The following C8orf34 variants were observed in gnomAD, a reference collection of about 807,000 sequenced individuals.
C8orf34 encodes uncharacterized protein C8orf34.
Under a neutral mutation model 68.3 loss-of-function variants are expected in C8orf34, and 65 were observed. That is an observed-to-expected ratio of 0.95 (90% CI 0.78 to 1.17). The LOEUF (loss-of-function observed/expected upper bound fraction) is 1.17. C8orf34 is among the 50% of genes most tolerant of loss of function. C8orf34 has a pLI of 0.00. For missense variants in C8orf34, 664 were observed against 655.4 expected (o/e 1.01, Z -0.14); for synonymous variants, 244 against 241.2 (o/e 1.01, Z -0.11).
chr8:68,398,522 A>C (rs1317566566), intron 1 of C8orf34, among the ~76,000 whole-genome samples: 4 of 152,160 alleles, frequency 2.6e-5, no homozygotes, highest in Admixed American at 6.6e-5. Context: ...GTGGTAAAAA[A>C]ACACACACAA....
intron 7 of C8orf34, among the ~76,000 whole-genome samples, chr8:68,552,389 A>G: frequency 6.6e-6 from 1 of 152,132 alleles, no homozygotes; most frequent in Non-Finnish European, 1.5e-5. Flanking sequence ...TTAGTTTGTC[A>G]GAGTACAAAT....
intron 8 of C8orf34, among the ~76,000 whole-genome samples, chr8:68,650,956 CTTAT>C (rs1252792248): frequency 7.9e-5 from 12 of 152,276 alleles, no homozygotes; most frequent in Middle Eastern, 3.4e-3. Context: ...TTCCAGCTTG[CTTAT>C]CTATGTTTGC....
At chr8:68,436,450 T>G (rs903365113) in intron 1 of C8orf34, among the ~76,000 whole-genome samples, 1 of 152,218 alleles carries the variant, frequency 6.6e-6, no homozygotes, top group Non-Finnish European at 1.5e-5. Context: ...ACCTACATTT[T>G]ATCAATCCCT....
In C8orf34 at chr8:68,815,932, G is replaced by A. The variant is rs61743022; in HGVS notation, c.1596G>A (p.Thr532=). The A allele has an allele frequency of 1.8e-4, 292 of 1,613,622 alleles. No homozygotes were observed. The African/African-American group carries it at 3.5e-3, about 20-fold the overall frequency. The change falls in exon 13 of 14, where the codon ACG becomes ACA. Residue 532 remains threonine, a synonymous_variant. Transcript: ENST00000518698. Reference sequence around the variant, plus strand: ...GCGTTCCATGCTCTTCTTGTCCTACGCTGGTCTACTCTGGTATGTTTGCTC... The same window carrying A: ...GCGTTCCATGCTCTTCTTGTCCTACACTGGTCTACTCTGGTATGTTTGCTC... The part of the protein sequence containing the change: ...LLCVPCSSCP[T]LVYSGL
intron 4 of C8orf34, among the ~76,000 whole-genome samples, chr8:68,486,664 T>A (rs1813092282): frequency 6.6e-6 from 1 of 152,132 alleles, no homozygotes; most frequent in African/African-American, 2.4e-5. Flanking sequence ...ATATAAGAAC[T>A]AATGAAATAT....
chr8:68,782,470 C>G (rs1261326248), intron 11 of C8orf34, among the ~76,000 whole-genome samples: 1 of 149,522 alleles, frequency 6.7e-6, no homozygotes, highest in Non-Finnish European at 1.5e-5. Flanking sequence ...TGCAATAGGC[C>G]ATCTAGTGCC....
chr8:68,335,355 T>C lies in C8orf34; in HGVS notation c.327+4016T>C, dbSNP rs140600616. On this transcript the variant is annotated intron_variant, in intron 1 of 13. Transcript: ENST00000518698. ...GAGAAGTAATAAAATATAAGCTTGG[T>C]AGTTATAATATGTTCAACTTAAATA... is the stretch of plus-strand genomic sequence containing the variant. 4.3e-3 allele frequency among the ~76,000 whole-genome samples: 661 copies of C among 152,356 alleles called. 5 individuals carry two copies. Among genetic ancestry groups the C allele is most frequent in the African/African-American group, 0.015 (638 of 41,582 alleles).
intron 1 of C8orf34, among the ~76,000 whole-genome samples, chr8:68,366,396 A>G (rs1807255561): frequency 1.5e-5 from 2 of 131,406 alleles, no homozygotes; most frequent in East Asian, 4.6e-4. Flanking sequence ...GAAAAAAACT[A>G]CTTTAAAGTT....
chr8:68,667,702 G>A (rs1453984645), intron 8 of C8orf34, among the ~76,000 whole-genome samples: 1 of 152,084 alleles, frequency 6.6e-6, no homozygotes, highest in Non-Finnish European at 1.5e-5. Flanking sequence ...AGTTATTACT[G>A]CAAGGCATTT....
At chr8:68,415,965 A>G (rs72664940) in intron 1 of C8orf34, among the ~76,000 whole-genome samples, 2,244 of 152,292 alleles carry the variant, frequency 0.015, 59 homozygotes, top group African/African-American at 0.048. Flanking sequence ...AGATTTATTT[A>G]CCCCAATTTC....
In C8orf34 at chr8:68,629,252, G is replaced by A. The variant is rs192021820; in HGVS notation, c.1106-11124G>A. The stretch of plus-strand genomic sequence containing the variant: ...TTGTCCCTCTGAGTGTCTACCAGAC[G>A]TCCATATGTATATCTTGAAGATAGC... On this transcript the variant is annotated intron_variant, in intron 7 of 13. Coordinates refer to ENST00000518698, the MANE Select transcript of C8orf34 (RefSeq NM_052958.4). Among the ~76,000 whole-genome samples the A allele has an allele frequency of 2.1e-3, 314 of 152,150 alleles. 6 individuals carry two copies. The East Asian group carries it at 0.029, about 14-fold the overall frequency.
chr8:68,536,969 A>G (rs554782751), intron 7 of C8orf34, among the ~76,000 whole-genome samples: 1 of 152,256 alleles, frequency 6.6e-6, no homozygotes, highest in East Asian at 1.9e-4. Flanking sequence ...TATGTTACCA[A>G]ATTTTGTAAA....
At chr8:68,560,002 A>T (rs1311345257) in intron 7 of C8orf34, among the ~76,000 whole-genome samples, 1 of 152,168 alleles carries the variant, frequency 6.6e-6, no homozygotes, top group Non-Finnish European at 1.5e-5. Context: ...GTGGTTCACC[A>T]GACAGAGGCG....
At chr8:68,501,655 C>G (rs1340308610) in intron 5 of C8orf34, among the ~76,000 whole-genome samples, 1 of 152,134 alleles carries the variant, frequency 6.6e-6, no homozygotes, top group Non-Finnish European at 1.5e-5. Context: ...GGTGCCATAT[C>G]TACACACACA....
At chr8:68,497,111 T>C (rs1813557194) in intron 5 of C8orf34, among the ~76,000 whole-genome samples, 1 of 152,116 alleles carries the variant, frequency 6.6e-6, no homozygotes, top group African/African-American at 2.4e-5. Context: ...CCAAGAAAAA[T>C]ATTTGCAGTT....
intron 7 of C8orf34, among the ~76,000 whole-genome samples, chr8:68,602,870 C>T (rs920789915): frequency 6.6e-6 from 1 of 151,946 alleles, no homozygotes; most frequent in Admixed American, 6.6e-5. Context: ...CAGGTATTGC[C>T]CCCCATGTTT....
chr8:68,538,661 C>T (rs1488488276), intron 7 of C8orf34, among the ~76,000 whole-genome samples: 2 of 151,846 alleles, frequency 1.3e-5, no homozygotes, highest in Non-Finnish European at 1.5e-5. Context: ...TGTATGTTTC[C>T]CACAACACAA....
intron 8 of C8orf34, among the ~76,000 whole-genome samples, chr8:68,646,347 A>T (rs1420742404): frequency 2.0e-5 from 3 of 151,856 alleles, no homozygotes; most frequent in Admixed American, 6.6e-5. Flanking sequence ...AACAAATAAT[A>T]ATTGTATATA....
At chr8:68,794,488 T>TAA in intron 12 of C8orf34, among the ~76,000 whole-genome samples, 1 of 97,394 alleles carries the variant, frequency 1.0e-5, no homozygotes, top group African/African-American at 7.2e-5. Flanking sequence ...TATAAATATA[T>TAA]ATATATATAT....
Sources: allele counts gnomAD v4.1 joint callset (sites outside exome capture counted in the v4.1 genomes callset), GRCh38; gene constraint gnomAD v4.1.1; transcripts MANE v1.5; gene names NCBI Gene and HGNC (gene_info 2026-07-23, HGNC 2026-07-21).